Variants in RAD50 observed in about 807,000 individuals in gnomAD.
RAD50 encodes the protein RAD50 double strand break repair protein, also known as DNA repair protein RAD50.
RAD50 carries 132 observed loss-of-function variants against 168.8 expected under a neutral mutation model. That is an observed-to-expected ratio of 0.78 (90% CI 0.68 to 0.90). The LOEUF is 0.90. Among genes scored for constraint, RAD50 ranks in the 40% least tolerant of loss-of-function variants. The pLI, the probability that RAD50 is intolerant of heterozygous loss-of-function variation, is 0.00. For synonymous variants in RAD50, 525 were observed against 497.4 expected, an observed-to-expected ratio of 1.06 and a Z score of -0.74; for missense variants, 1,347 against 1,534.4, an observed-to-expected ratio of 0.88 and a Z score of 2.04.
intron 13 of RAD50, 46 bp downstream of exon 13, chr5:132,595,856 A>G: frequency 6.6e-7 from 1 of 1,521,276 alleles, no homozygotes; most frequent in South Asian, 1.1e-5. Flanking sequence ...AGCACATTGT[A>G]AAAGGTACCC....
At chr5:132,578,409 C>CCAAGCTA (rs1750437894) in intron 3 of RAD50, among the ~76,000 whole-genome samples, 1 of 152,084 alleles carries the variant, frequency 6.6e-6, no homozygotes, top group Non-Finnish European at 1.5e-5. Flanking sequence ...TAGTCCTAGT[C>CCAAGCTA]CAAGCTACCA....
At position 132,608,598 on chromosome 5, in the gene RAD50, C is replaced by A; in HGVS notation, c.2719-17C>A. 1 of 1,527,606 alleles carries A rather than the reference C, an allele frequency of 6.5e-7. No individual in the cohort carries two copies. Among genetic ancestry groups the A allele is most frequent in the Non-Finnish European group, 8.9e-7 (1 of 1,127,180 alleles). The allele number at this position is 1,527,606 out of a possible 1,614,324, so 94.6% of individuals were successfully genotyped here. A position where few individuals can be genotyped will look rare whatever the true frequency, so the allele number is the denominator to read the frequency against. ...AATGGAATATTATATAATACTTTATCTTTTTTATATTTTTAGGATGCTAAA... is the reference window on the plus strand; with the variant it reads ...AATGGAATATTATATAATACTTTATATTTTTTATATTTTTAGGATGCTAAA... On this transcript the variant is annotated splice_polypyrimidine_tract_variant and intron_variant, in intron 16 of 24. Transcript: ENST00000378823.
chr5:132,593,902 G>T (rs2897443), intron 11 of RAD50, among the ~76,000 whole-genome samples: 26,979 of 152,078 alleles, frequency 0.18, 2,556 homozygotes, highest in South Asian at 0.22. Flanking sequence ...GAACCAGGGT[G>T]AGAGCCAGAT....
At chr5:132,585,161 A>G (rs1580990564) in intron 5 of RAD50, among the ~76,000 whole-genome samples, 1 of 152,304 alleles carries the variant, frequency 6.6e-6, no homozygotes, top group East Asian at 1.9e-4. Flanking sequence ...AAACTTCTGT[A>G]TACAGGTCTT....
chr5:132,595,111 T>C, intron 12 of RAD50, 67 bp downstream of exon 12: 1 of 1,501,170 alleles, frequency 6.7e-7, no homozygotes, highest in Non-Finnish European at 9.2e-7. Context: ...CAGGTAACTG[T>C]TAAGGATGGG....
chr5:132,643,734 G>GGGGGGGGGGGGCC lies in RAD50; in HGVS notation c.*1370_*1371insGGGGGGGGGGGCC. ...GGGGGTGGTGGTGGGGTGGGGGGGGGTCCTAAATGTAATCACGAGTAAGAT... is the reference window on the plus strand; with the variant it reads ...GGGGGTGGTGGTGGGGTGGGGGGGGGGGGGGGGGGGGCCTCCTAAATGTAATCACGAGTAAGAT... On this transcript the variant is annotated 3_prime_UTR_variant, in exon 25 of 25. Transcript: ENST00000378823. 5.6e-6 allele frequency: 1 copy of GGGGGGGGGGGGCC among 177,114 alleles called. No individual in the cohort carries two copies. Among genetic ancestry groups the GGGGGGGGGGGGCC allele is most frequent in the Non-Finnish European group, 1.2e-5 (1 of 84,832 alleles). 11.0% of individuals were successfully genotyped at this position (177,114 alleles called of 1,614,324 possible).
Position 132,557,273 on chromosome 5 carries a change from T to G in RAD50, c.-52T>G. On this transcript the variant is annotated 5_prime_UTR_variant, in exon 1 of 25. Coordinates refer to ENST00000378823, the MANE Select transcript of RAD50 (RefSeq NM_005732.4). ...CGTGCACGCCTTGCTTCGGCCTCAG[T>G]TAAGCCTTTGTGGGCTCCAGGTCCC... is the stretch of plus-strand genomic sequence containing the variant. The G allele has an allele frequency of 3.7e-6, 6 of 1,604,394 alleles. No individual in the cohort carries two copies. Among genetic ancestry groups the G allele is most frequent in the Non-Finnish European group, 5.1e-6 (6 of 1,171,064 alleles).
chr5:132,611,014 C>G (rs1751073862), intron 19 of RAD50, among the ~76,000 whole-genome samples: 1 of 151,944 alleles, frequency 6.6e-6, no homozygotes, highest in Non-Finnish European at 1.5e-5. Context: ...GAAATAAGGG[C>G]AAGAAAGTAA....
intron 13 of RAD50, among the ~76,000 whole-genome samples, chr5:132,600,564 A>AT (rs1166788783): frequency 6.6e-6 from 1 of 152,132 alleles, no homozygotes; most frequent in Non-Finnish European, 1.5e-5. Context: ...TAAACCTAAC[A>AT]TCATGACTGA....
Position 132,579,691 on chromosome 5 carries a change from TTGAC to T in RAD50, c.552-170_552-167del, listed in dbSNP as rs1725206825. 22 of 824,218 alleles carry T rather than the reference TTGAC, an allele frequency of 2.7e-5. No homozygotes were observed. In the South Asian group the frequency reaches 3.4e-4, roughly 13 times the overall value. 51.1% of individuals were successfully genotyped at this position (824,218 alleles called of 1,614,324 possible). A position where few individuals can be genotyped will look rare whatever the true frequency, so the allele number is the denominator to read the frequency against. On this transcript the variant is annotated intron_variant, in intron 4 of 24. Coordinates refer to ENST00000378823, the MANE Select transcript of RAD50 (RefSeq NM_005732.4). ...TCTGTGCGTATATTTATTTACCTGA[TTGAC>T]AGTATAAATGTAATTTTTTTCACTT...
chr5:132,636,621 G>A (rs1581019877), intron 21 of RAD50, among the ~76,000 whole-genome samples: 1 of 152,118 alleles, frequency 6.6e-6, no homozygotes, highest in Non-Finnish European at 1.5e-5. Context: ...GAGGGACAAG[G>A]TGGCAGTTCG....
At chr5:132,633,928 G>A (rs1363332708) in intron 21 of RAD50, among the ~76,000 whole-genome samples, 1 of 151,892 alleles carries the variant, frequency 6.6e-6, no homozygotes, top group African/African-American at 2.4e-5. Flanking sequence ...TTGTAACACT[G>A]TTGAAAACTT....
intron 5 of RAD50, among the ~76,000 whole-genome samples, chr5:132,583,633 T>C (rs939057121): frequency 6.6e-6 from 1 of 152,042 alleles, no homozygotes; most frequent in African/African-American, 2.4e-5. Flanking sequence ...TCATACAGTA[T>C]GCAGACTTTT....
At chr5:132,613,931 T>C (rs1203760452) in intron 19 of RAD50, among the ~76,000 whole-genome samples, 2 of 152,156 alleles carry the variant, frequency 1.3e-5, no homozygotes, top group Non-Finnish European at 2.9e-5. Flanking sequence ...AGTATCATTA[T>C]TGACCATGTT....
At chr5:132,594,766 T>C (rs1750758671) in intron 11 of RAD50, 103 bp from the exon 12 acceptor site, 2 of 1,206,802 alleles carry the variant, frequency 1.7e-6, no homozygotes, top group South Asian at 1.3e-5. Flanking sequence ...ACCAAACTCT[T>C]GTCATGATTT....
rs750947088 is a variant in RAD50 at position 132,618,197 on chromosome 5, C to T, written c.3292C>T (p.Arg1098Trp). The T allele has an allele frequency of 1.5e-5, 24 of 1,613,894 alleles. No homozygotes were observed. Among genetic ancestry groups the T allele is most frequent in the African/African-American group, 1.2e-4 (9 of 75,002 alleles). ...GAAAGAACTTCGAGAACCACAATTT[C>T]GGGATGCTGAGGAAAAGTATAGAGA... ...FKKELREPQFRDAEEKYREMM... is the reference protein window; with the variant it reads ...FKKELREPQFWDAEEKYREMM... The change falls in exon 21 of 25, where the codon CGG (arginine) becomes TGG (tryptophan). Residue 1098 changes from arginine (R) to tryptophan (W), a missense_variant. Arg to Trp is a moderately radical substitution (Grantham distance 101). This residue lies in a region of RAD50 where 635 missense variants were observed against 739.2 expected (regional missense o/e 0.86). Transcript: ENST00000378823.
Position 132,643,787 on chromosome 5 carries a change from T to TTAAA in RAD50, c.*1424_*1427dup. On this transcript the variant is annotated 3_prime_UTR_variant, in exon 25 of 25. Coordinates refer to ENST00000378823, the MANE Select transcript of RAD50 (RefSeq NM_005732.4). ...AGAGCAAATCAATTCTAGTCATATATTAAACATCCACAATAACCAAGATAT... is the reference window on the plus strand; with the variant it reads ...AGAGCAAATCAATTCTAGTCATATATTAAATAAACATCCACAATAACCAAGATAT... 8.7e-6 allele frequency: 2 copies of TTAAA among 231,106 alleles called. No homozygotes were observed. Among genetic ancestry groups the TTAAA allele is most frequent in the Non-Finnish European group, 1.7e-5 (2 of 116,728 alleles). 14.3% of individuals were successfully genotyped at this position (231,106 alleles called of 1,614,324 possible).
chr5:132,606,708 C>G (rs1480406036), intron 16 of RAD50, among the ~76,000 whole-genome samples: 1 of 152,106 alleles, frequency 6.6e-6, no homozygotes, highest in Non-Finnish European at 1.5e-5. Flanking sequence ...AACATCGATG[C>G]AAAAATCCTC....
intron 24 of RAD50, chr5:132,641,760 T>C: frequency 1.1e-5 from 2 of 180,682 alleles, no homozygotes; most frequent in East Asian, 1.4e-4. Flanking sequence ...AGTTTGTCTT[T>C]ATTACTTTTA....
Sources: gnomAD v4.1 joint callset for allele counts (sites outside exome capture counted in the v4.1 genomes callset) on GRCh38, gnomAD v4.1.1 for gene constraint, gnomAD v4.1.1 regional missense constraint, MANE v1.5 for transcripts, NCBI Gene and HGNC (gene_info 2026-07-23, HGNC 2026-07-21) for gene names.